The following ARHGEF7 variants were observed in gnomAD, a reference collection of about 807,000 sequenced individuals.
ARHGEF7 encodes PAK-interacting exchange factor beta.
A neutral mutation model predicts 109.8 loss-of-function variants in ARHGEF7; 33 were observed. The observed-to-expected ratio is 0.30, with a 90% CI of 0.23 to 0.40. The LOEUF is 0.40. ARHGEF7 is among the 10% of genes least tolerant of loss of function. The pLI is 1.00. For missense variants in ARHGEF7, 938 were observed against 1,098.5 expected (o/e 0.85, Z 2.07); for synonymous variants, 458 against 424.6 (o/e 1.08, Z -0.97).
chr13:111,245,548 C>T (rs777977697), intron 8 of ARHGEF7, among the ~76,000 whole-genome samples: 9 of 152,076 alleles, frequency 5.9e-5, no homozygotes, highest in Non-Finnish European at 1.2e-4. Flanking sequence ...AGCAGCTTCT[C>T]GTGTAGTTGT....
intron 2 of ARHGEF7, among the ~76,000 whole-genome samples, chr13:111,166,099 G>A (rs896011818): frequency 1.3e-5 from 2 of 152,128 alleles, no homozygotes; most frequent in Non-Finnish European, 2.9e-5. Context: ...ACCACCATTA[G>A]CCCAGGCTGT....
chr13:111,221,102 G>C (rs1034875178), intron 5 of ARHGEF7, among the ~76,000 whole-genome samples: 1 of 140,706 alleles, frequency 7.1e-6, no homozygotes, highest in Admixed American at 7.4e-5. Flanking sequence ...GTGGGACCTT[G>C]TGATCATGTA....
intron 2 of ARHGEF7, among the ~76,000 whole-genome samples, chr13:111,175,702 T>C (rs2078090529): frequency 6.6e-6 from 1 of 152,184 alleles, no homozygotes; most frequent in Non-Finnish European, 1.5e-5. Flanking sequence ...ACTGCCCACT[T>C]CTCTTTGTGG....
At chr13:111,251,286 C>T (rs1370153632) in intron 8 of ARHGEF7, among the ~76,000 whole-genome samples, 1 of 152,106 alleles carries the variant, frequency 6.6e-6, no homozygotes, top group Admixed American at 6.5e-5. Flanking sequence ...AGAGAGAGCA[C>T]CCTGAGGTGG....
intron 1 of ARHGEF7, among the ~76,000 whole-genome samples, chr13:111,142,838 T>C (rs1376457029): frequency 6.6e-6 from 1 of 152,228 alleles, no homozygotes; most frequent in Admixed American, 6.5e-5. Context: ...CAAGTTAACA[T>C]GTGGATGAAA....
chr13:111,259,533 A>C (rs1258952643), intron 8 of ARHGEF7, among the ~76,000 whole-genome samples: 1 of 152,264 alleles, frequency 6.6e-6, no homozygotes, highest in Non-Finnish European at 1.5e-5. Context: ...CAAGAGTCAC[A>C]GCATTACTGC....
chr13:111,283,598 G>T (rs2092888694), intron 16 of ARHGEF7, among the ~76,000 whole-genome samples: 1 of 152,250 alleles, frequency 6.6e-6, no homozygotes, highest in Admixed American at 6.5e-5. Context: ...ATGCACAGGG[G>T]GGCCTTTACT....
rs2074720327 is a variant in ARHGEF7 at position 111,131,084 on chromosome 13, G to A, written c.165+15393G>A. Among the ~76,000 whole-genome samples the A allele has an allele frequency of 6.6e-6, 1 of 152,230 alleles. No individual in the cohort carries two copies. Among genetic ancestry groups the A allele is most frequent in the African/African-American group, 2.4e-5 (1 of 41,462 alleles). Reference sequence around the variant, plus strand: ...GGAAGAATGATATGATCAGTTCTGTGCTTTGAAAACAATACTCTAGCCATA... The same window carrying A: ...GGAAGAATGATATGATCAGTTCTGTACTTTGAAAACAATACTCTAGCCATA... On this transcript the variant is annotated intron_variant, in intron 1 of 21. Transcript: ENST00000646102. This position sits in a 1 kb window ranked among gnomAD's most constrained non-coding sequence, Gnocchi z 4.4.
At chr13:111,223,078 A>G (rs541922514) in intron 5 of ARHGEF7, among the ~76,000 whole-genome samples, 20 of 152,350 alleles carry the variant, frequency 1.3e-4, no homozygotes, top group Non-Finnish European at 2.2e-4. Context: ...AGATGGGAAA[A>G]CATAGTATAT....
chr13:111,229,237 C>G (rs1482961111), intron 5 of ARHGEF7, among the ~76,000 whole-genome samples: 4 of 152,150 alleles, frequency 2.6e-5, no homozygotes, highest in African/African-American at 4.8e-5. Flanking sequence ...CCAGCTCACT[C>G]CCTGATTTTT....
intron 2 of ARHGEF7, among the ~76,000 whole-genome samples, chr13:111,172,854 C>G (rs2153416580): frequency 6.6e-6 from 1 of 152,304 alleles, no homozygotes; most frequent in Non-Finnish European, 1.5e-5. Flanking sequence ...TAGCTGTTTT[C>G]TAGTCAGACA....
At chr13:111,174,773 G>T (rs894034623) in intron 2 of ARHGEF7, among the ~76,000 whole-genome samples, 4 of 152,232 alleles carry the variant, frequency 2.6e-5, no homozygotes, top group Non-Finnish European at 5.9e-5. Context: ...TACGCTGGGG[G>T]TCGTAAGCAG....
Position 111,280,641 on chromosome 13 carries a change from C to T in ARHGEF7, c.1689C>T (p.Asn563=), listed in dbSNP as rs1327656992. The change falls in exon 15 of 22, where the codon AAC becomes AAT. Residue 563 remains asparagine (N), a synonymous_variant. Coordinates refer to ENST00000646102, the MANE Select transcript of ARHGEF7 (RefSeq NM_001354046.2). ...QKQTKVTSVG[N]PTIKPHSVPS... ...AAACGAAGGTCACGTCTGTGGGAAA[C>T]CCCACCATAAAGCCTCATTCAGTGC... 2.5e-6 allele frequency: 4 copies of T among 1,609,252 alleles called. No individual in the cohort carries two copies. The East Asian group carries it at 8.9e-5, about 36-fold the overall frequency.
At chr13:111,189,651 C>T (rs1355245890) in intron 2 of ARHGEF7, among the ~76,000 whole-genome samples, 5 of 152,308 alleles carry the variant, frequency 3.3e-5, no homozygotes, top group South Asian at 2.1e-4. Context: ...GCTGCTGGCT[C>T]GGGTGGCCAG....
chr13:111,284,930 T>C (rs2092956664), intron 16 of ARHGEF7, among the ~76,000 whole-genome samples: 1 of 152,246 alleles, frequency 6.6e-6, no homozygotes, highest in Admixed American at 6.5e-5. Context: ...TTGCTTCGAA[T>C]TAGGGAAGCC....
intron 9 of ARHGEF7, among the ~76,000 whole-genome samples, chr13:111,268,368 C>G (rs889302457): frequency 6.6e-6 from 1 of 151,942 alleles, no homozygotes; most frequent in Non-Finnish European, 1.5e-5. Flanking sequence ...AAAATTAATA[C>G]AAAGATTTGT....
At chr13:111,248,650 A>G (rs1228417256) in intron 8 of ARHGEF7, among the ~76,000 whole-genome samples, 1 of 152,146 alleles carries the variant, frequency 6.6e-6, no homozygotes. Context: ...CCGTGCAACA[A>G]GTTTTTAGTT....
At chr13:111,269,943 TG>T (rs911184271) in intron 9 of ARHGEF7, among the ~76,000 whole-genome samples, 2 of 152,194 alleles carry the variant, frequency 1.3e-5, no homozygotes, top group Non-Finnish European at 2.9e-5. Flanking sequence ...CTGCCACACC[TG>T]GGGTAGACTA....
Position 111,217,671 on chromosome 13 carries a change from C to G in ARHGEF7, c.469-8C>G. The G allele has an allele frequency of 6.2e-7, 1 of 1,612,422 alleles. No individual in the cohort carries two copies. The highest frequency in any genetic ancestry group is 2.2e-5 in the East Asian group (1 of 44,844). ...ATAATTTTTCTCCCACTCTTCTTCCCCTTTTAGGACATGACCGATAATAGC... is the reference window on the plus strand; with the variant it reads ...ATAATTTTTCTCCCACTCTTCTTCCGCTTTTAGGACATGACCGATAATAGC... On this transcript the variant is annotated splice_region_variant and splice_polypyrimidine_tract_variant and intron_variant, in intron 4 of 21. Transcript: ENST00000646102.
Sources: gnomAD v4.1 joint callset for allele counts (sites outside exome capture counted in the v4.1 genomes callset) on GRCh38, gnomAD v4.1.1 for gene constraint, Gnocchi (gnomAD v3.1) non-coding constraint, MANE v1.5 for transcripts, NCBI Gene and HGNC (gene_info 2026-07-23, HGNC 2026-07-21) for gene names.